ALPK3: variants seen among roughly 807,000 people sequenced by gnomAD.
The protein encoded by ALPK3 is alpha kinase 3, also known as alpha-protein kinase 3.
In ALPK3, 102 loss-of-function variants were observed where a neutral mutation model predicts 140.0. The observed-to-expected ratio is 0.73, with a 90% CI of 0.62 to 0.86. The LOEUF (loss-of-function observed/expected upper bound fraction) is 0.86. Among genes scored for constraint, ALPK3 ranks in the 40% least tolerant of loss-of-function variants. ALPK3 has a pLI of 0.00. For missense variants in ALPK3, 2,254 were observed against 2,208.2 expected (o/e 1.02, Z -0.42); for synonymous variants, 938 against 898.5 (o/e 1.04, Z -0.79).
intron 12 of ALPK3, among the ~76,000 whole-genome samples, chr15:84,865,740 C>T (rs1167706448): frequency 6.6e-6 from 1 of 152,202 alleles, no homozygotes; most frequent in Admixed American, 6.5e-5. Flanking sequence ...AGGTGGACCA[C>T]TTGAGGCCAG....
intron 5 of ALPK3, among the ~76,000 whole-genome samples, chr15:84,845,420 A>C (rs577044815): frequency 4.6e-5 from 7 of 152,094 alleles, no homozygotes; most frequent in Non-Finnish European, 1.0e-4. Flanking sequence ...GGTCCAGATC[A>C]CAGGCTCATG....
At chr15:84,838,638 T>TTATTATTACTA (rs145586317) in intron 3 of ALPK3, among the ~76,000 whole-genome samples, 1 of 139,498 alleles carries the variant, frequency 7.2e-6, no homozygotes. Flanking sequence ...ATTATTATTA[T>TTATTATTACTA]TGAGATGGAG....
At chr15:84,847,523 GC>G (rs1298724517) in intron 5 of ALPK3, among the ~76,000 whole-genome samples, 2 of 152,072 alleles carry the variant, frequency 1.3e-5, no homozygotes, top group East Asian at 3.8e-4. Context: ...CTTGGAAGTA[GC>G]CAGAGAAACA....
intron 5 of ALPK3, among the ~76,000 whole-genome samples, chr15:84,848,072 A>AAT (rs1251579572): frequency 6.6e-6 from 1 of 151,814 alleles, no homozygotes; most frequent in African/African-American, 2.4e-5. Context: ...AAAAAAAAAA[A>AAT]AATAAAAAGA....
In ALPK3 at chr15:84,823,357, C is replaced by T. The variant is rs1244493829; in HGVS notation, c.171C>T (p.Pro57=). 1 of 1,614,200 alleles carries T rather than the reference C, an allele frequency of 6.2e-7. No individual in the cohort carries two copies. Residue 57 remains proline (P), a synonymous_variant, in exon 2 of 14, where the codon CCC becomes CCT. Coordinates refer to ENST00000258888, the MANE Select transcript of ALPK3 (RefSeq NM_020778.5). ...TATCAAGCAACCGGTTGTCTCACCC[C>T]AGCTCTGGAAGGTAAATGCATATTG... is the stretch of plus-strand genomic sequence containing the variant. ...TSLSSNRLSH[P]SSGRSTFCSI...
chr15:84,856,152 T>A (rs1048886350), intron 5 of ALPK3, among the ~76,000 whole-genome samples: 4 of 152,096 alleles, frequency 2.6e-5, no homozygotes, highest in Non-Finnish European at 4.4e-5. Flanking sequence ...TGGGTCTGGG[T>A]GCTAGATATT....
At chr15:84,865,638 T>A (rs146988836) in intron 12 of ALPK3, among the ~76,000 whole-genome samples, 1 of 152,304 alleles carries the variant, frequency 6.6e-6, no homozygotes, top group African/African-American at 2.4e-5. Flanking sequence ...GTTTCTACTG[T>A]GAGACGATAA....
chr15:84,829,998 A>C (rs1963528826), intron 3 of ALPK3, among the ~76,000 whole-genome samples: 1 of 152,154 alleles, frequency 6.6e-6, no homozygotes, highest in Admixed American at 6.5e-5. Flanking sequence ...ATCAACATTT[A>C]CTGTTTACCT....
chr15:84,830,729 CCT>C lies in ALPK3; in HGVS notation c.304+3127_304+3128del, dbSNP rs1464386727. 5.9e-5 allele frequency among the ~76,000 whole-genome samples: 9 copies of C among 152,252 alleles called. No individual in the cohort carries two copies. The East Asian group carries it at 1.7e-3, about 29-fold the overall frequency. Reference sequence around the variant, plus strand: ...TGGTTTGTTTTTTGAGGCAAGATTTCCTCTGTCACCCCGGCTGGAGTGCAGTG... The same window carrying C: ...TGGTTTGTTTTTTGAGGCAAGATTTCCTGTCACCCCGGCTGGAGTGCAGTG... On this transcript the variant is annotated intron_variant, in intron 3 of 13. Coordinates refer to ENST00000258888, the MANE Select transcript of ALPK3 (RefSeq NM_020778.5).
At chr15:84,833,904 C>T (rs1963570729) in intron 3 of ALPK3, among the ~76,000 whole-genome samples, 1 of 151,912 alleles carries the variant, frequency 6.6e-6, no homozygotes, top group African/African-American at 2.4e-5. Context: ...CTACTGTCTC[C>T]AGCACAGGGG....
intron 1 of ALPK3, 135 bp from the exon 2 acceptor site, chr15:84,823,195 A>T: frequency 1.0e-6 from 1 of 954,938 alleles, no homozygotes; most frequent in Non-Finnish European, 1.6e-6. Flanking sequence ...CAGGCCAACT[A>T]AGACAGCTGG....
intron 3 of ALPK3, among the ~76,000 whole-genome samples, chr15:84,833,828 T>C (rs1486890228): frequency 6.6e-6 from 1 of 152,124 alleles, no homozygotes; most frequent in East Asian, 1.9e-4. Flanking sequence ...ATAGTGGGCC[T>C]CCGCTAGCTC....
chr15:84,859,967 ATCT>A, intron 8 of ALPK3, 64 bp downstream of exon 8: 1 of 1,613,712 alleles, frequency 6.2e-7, no homozygotes, highest in East Asian at 2.2e-5. Flanking sequence ...GGCAGCAGTC[ATCT>A]TTGAGAGAAG....
intron 1 of ALPK3, among the ~76,000 whole-genome samples, chr15:84,819,392 G>A (rs553780162): frequency 3.9e-5 from 6 of 152,346 alleles, no homozygotes; most frequent in African/African-American, 1.4e-4. Context: ...GCTCCTGCTG[G>A]CTAGCCACAG....
At position 84,867,673 on chromosome 15, in the gene ALPK3, C is replaced by T. The variant is rs59022852; in HGVS notation, c.4772+308C>T. ...GAGTAAGGGTCCTGTGATGAGAGTG[C>T]GGACCTCGAGTCTGCTCCAATTTAT... On this transcript the variant is annotated intron_variant, in intron 13 of 13. Coordinates refer to ENST00000258888, the MANE Select transcript of ALPK3 (RefSeq NM_020778.5). 0.076 allele frequency among the ~76,000 whole-genome samples: 11,509 copies of T among 152,176 alleles called. 502 individuals are homozygous for T. The highest frequency in any genetic ancestry group is 0.12 in the East Asian group (607 of 5,128).
chr15:84,866,723 C>G (rs989281323), intron 12 of ALPK3, among the ~76,000 whole-genome samples: 1 of 152,214 alleles, frequency 6.6e-6, no homozygotes, highest in Non-Finnish European at 1.5e-5. Context: ...AGTGCAGAAG[C>G]CAGTCTTCTG....
chr15:84,836,538 G>C (rs948659178), intron 3 of ALPK3, among the ~76,000 whole-genome samples: 7 of 152,226 alleles, frequency 4.6e-5, no homozygotes, highest in Non-Finnish European at 1.5e-5. Flanking sequence ...TAGAGGTGAG[G>C]CAAGTAAAGG....
chr15:84,864,800 C>A, intron 12 of ALPK3, 135 bp downstream of exon 12: 1 of 980,306 alleles, frequency 1.0e-6, no homozygotes, highest in Non-Finnish European at 1.5e-6. Context: ...TCACAATAAT[C>A]TTGTAAAGTA....
chr15:84,842,116 C>T (rs1963673289), intron 5 of ALPK3, among the ~76,000 whole-genome samples: 1 of 152,218 alleles, frequency 6.6e-6, no homozygotes, highest in Non-Finnish European at 1.5e-5. Flanking sequence ...TCACTGCAGC[C>T]TCCGGCTCCC....
Sources: allele counts gnomAD v4.1 joint callset (sites outside exome capture counted in the v4.1 genomes callset), GRCh38; gene constraint gnomAD v4.1.1; transcripts MANE v1.5; gene names NCBI Gene and HGNC (gene_info 2026-07-23, HGNC 2026-07-21).